The following ROBO2 variants were observed in gnomAD, a reference collection of about 807,000 sequenced individuals.
The protein encoded by ROBO2 is roundabout homolog 2.
A neutral mutation model predicts 160.8 loss-of-function variants in ROBO2; 53 were observed. The observed-to-expected ratio is 0.33, with a 90% CI of 0.26 to 0.41. The LOEUF (loss-of-function observed/expected upper bound fraction) is 0.41. ROBO2 is among the 10% of genes least tolerant of loss of function. ROBO2 has a pLI of 1.00. For synonymous variants in ROBO2, 664 were observed against 611.7 expected, an observed-to-expected ratio of 1.09 and a Z score of -1.26; for missense variants, 1,577 against 1,722.4, an observed-to-expected ratio of 0.92 and a Z score of 1.49.
At chr3:76,285,832 T>G (rs2107684508) in intron 2 of ROBO2, among the ~76,000 whole-genome samples, 2 of 152,328 alleles carry the variant, frequency 1.3e-5, no homozygotes, top group East Asian at 1.9e-4. Flanking sequence ...CTCTATTTTC[T>G]TATTTCTTGC....
chr3:77,634,829 A>C, intron 23 of ROBO2, 41 bp from the exon 25 acceptor site: 1 of 1,586,944 alleles, frequency 6.3e-7, no homozygotes, highest in Non-Finnish European at 8.7e-7. Context: ...GTGTGCTATA[A>C]TGTCATTCTC....
At chr3:76,063,921 A>C (rs1456800438) in intron 2 of ROBO2, among the ~76,000 whole-genome samples, 1 of 152,126 alleles carries the variant, frequency 6.6e-6, no homozygotes, top group African/African-American at 2.4e-5. Flanking sequence ...CAGACTGGAG[A>C]GTTCCCTCTA....
intron 2 of ROBO2, among the ~76,000 whole-genome samples, chr3:77,415,464 C>T: frequency 6.6e-6 from 1 of 152,104 alleles, no homozygotes; most frequent in East Asian, 1.9e-4. Context: ...ATAGTCCAGG[C>T]TAAATATAAT....
intron 2 of ROBO2, among the ~76,000 whole-genome samples, chr3:76,226,536 G>GT (rs1187469935): frequency 1.3e-5 from 2 of 152,120 alleles, no homozygotes; most frequent in Non-Finnish European, 2.9e-5. Flanking sequence ...CCTTAAAATT[G>GT]TAAGAATTCT....
intron 2 of ROBO2, among the ~76,000 whole-genome samples, chr3:76,937,837 G>T (rs1223396027): frequency 6.6e-6 from 1 of 152,076 alleles, no homozygotes; most frequent in Admixed American, 6.6e-5. Flanking sequence ...CATAAAGCTG[G>T]ATGGCCATCA....
At chr3:76,729,260 T>G (rs1256085652) in intron 2 of ROBO2, among the ~76,000 whole-genome samples, 1 of 151,604 alleles carries the variant, frequency 6.6e-6, no homozygotes, top group East Asian at 1.9e-4. Context: ...CACAAATAAA[T>G]AAAACAATTA....
chr3:77,169,861 G>C (rs1391874597), intron 2 of ROBO2, among the ~76,000 whole-genome samples: 1 of 152,178 alleles, frequency 6.6e-6, no homozygotes, highest in African/African-American at 2.4e-5. Flanking sequence ...AAGGGGGCAG[G>C]AGTTGAGCAT....
chr3:77,027,898 A>G (rs2063074219), intron 2 of ROBO2, among the ~76,000 whole-genome samples: 1 of 151,910 alleles, frequency 6.6e-6, no homozygotes, highest in Non-Finnish European at 1.5e-5. Flanking sequence ...GCGGGTAGAA[A>G]GAAATTAGAA....
At chr3:76,090,044 T>C (rs1365232934) in intron 2 of ROBO2, among the ~76,000 whole-genome samples, 1 of 152,158 alleles carries the variant, frequency 6.6e-6, no homozygotes, top group African/African-American at 2.4e-5. Flanking sequence ...ACAAGCACAA[T>C]TTGAAATTAC....
At position 76,854,018 on chromosome 3, in the gene ROBO2, TTCTCTCTCTCTCTCTCTCTCTCTC is replaced by T. The variant is rs573633101; in HGVS notation, c.110-243970_110-243947del. On this transcript the variant is annotated intron_variant, in intron 2 of 26. Transcript: ENST00000487694. ...AAATGGACAGCCAAAAGCATAGACT[TTCTCTCTCTCTCTCTCTCTCTCTC>T]TCTCTCTCTCTCTCTCTCTCTCTCT... is the stretch of plus-strand genomic sequence containing the variant. 9.4e-5 allele frequency among the ~76,000 whole-genome samples: 11 copies of T among 117,266 alleles called. No individual in the cohort carries two copies. The South Asian group carries it at 2.6e-3, about 27-fold the overall frequency. 76.9% of individuals were successfully genotyped at this position (117,266 alleles called of 152,430 possible). A position where few individuals can be genotyped will look rare whatever the true frequency, so the allele number is the denominator to read the frequency against.
In ROBO2 at chr3:76,999,624, C is replaced by A. The variant is rs537061031; in HGVS notation, c.110-98390C>A. On this transcript the variant is annotated intron_variant, in intron 2 of 26. Transcript: ENST00000487694. ...AGTCATAATTACAGAAATTTCAGTTCTTGACTAAATACAGAAAAGACCCAC... is the reference window on the plus strand; with the variant it reads ...AGTCATAATTACAGAAATTTCAGTTATTGACTAAATACAGAAAAGACCCAC... Among the ~76,000 whole-genome samples, 8 of 152,150 alleles carry A rather than the reference C, an allele frequency of 5.3e-5. No homozygotes were observed. In the South Asian group the frequency reaches 1.0e-3, roughly 20 times the overall value.
At chr3:76,659,126 G>T (rs1357071046) in intron 2 of ROBO2, among the ~76,000 whole-genome samples, 1 of 151,914 alleles carries the variant, frequency 6.6e-6, no homozygotes, top group Non-Finnish European at 1.5e-5. Flanking sequence ...GTACAGGCTT[G>T]CACTTGAATA....
intron 2 of ROBO2, among the ~76,000 whole-genome samples, chr3:76,068,125 C>T (rs2068320717): frequency 6.6e-6 from 1 of 152,078 alleles, no homozygotes; most frequent in Non-Finnish European, 1.5e-5. Flanking sequence ...CGCAAAGGAA[C>T]AGAGAAGACA....
chr3:77,493,128 A>C, intron 4 of ROBO2, 116 bp from the exon 5 acceptor site: 1 of 978,388 alleles, frequency 1.0e-6, no homozygotes, highest in Non-Finnish European at 1.6e-6. Flanking sequence ...TGAGGTACAG[A>C]GTTAGGTACC....
intron 2 of ROBO2, among the ~76,000 whole-genome samples, chr3:76,254,282 C>G (rs1230722847): frequency 6.6e-6 from 1 of 152,054 alleles, no homozygotes. Context: ...AGTTGAGTGA[C>G]TATGAGGACC....
At chr3:76,683,423 G>A (rs1399445210) in intron 2 of ROBO2, among the ~76,000 whole-genome samples, 1 of 129,840 alleles carries the variant, frequency 7.7e-6, no homozygotes, top group Non-Finnish European at 1.6e-5. Context: ...GCGCAATATA[G>A]ATTTGGATGA....
chr3:76,493,191 T>C (rs1375591065), intron 2 of ROBO2, among the ~76,000 whole-genome samples: 1 of 151,750 alleles, frequency 6.6e-6, no homozygotes, highest in East Asian at 1.9e-4. Context: ...TAGCCTCTTT[T>C]GTTTCTTTAG....
intron 2 of ROBO2, among the ~76,000 whole-genome samples, chr3:76,104,584 A>G (rs1038422820): frequency 5.9e-5 from 9 of 152,342 alleles, no homozygotes; most frequent in African/African-American, 2.2e-4. Flanking sequence ...ATGAATTCCA[A>G]TCAACATCTT....
At chr3:77,356,337 G>C (rs2069122072) in intron 2 of ROBO2, among the ~76,000 whole-genome samples, 1 of 152,070 alleles carries the variant, frequency 6.6e-6, no homozygotes, top group Non-Finnish European at 1.5e-5. Flanking sequence ...ATGAGAGAGA[G>C]AGAGGGAGAA....
Sources: allele counts gnomAD v4.1 joint callset (sites outside exome capture counted in the v4.1 genomes callset), GRCh38; gene constraint gnomAD v4.1.1; transcripts MANE v1.5; gene names NCBI Gene and HGNC (gene_info 2026-07-23, HGNC 2026-07-21).